The following ITGAE variants were observed in gnomAD, a reference collection of about 807,000 sequenced individuals.
The protein encoded by ITGAE is integrin subunit alpha E, also known as integrin alpha-E.
In ITGAE, 99 loss-of-function variants were observed where a neutral mutation model predicts 136.5. The ratio of observed to expected loss-of-function variants is 0.73; its 90% CI spans 0.62 to 0.86. The LOEUF is 0.86. ITGAE is among the 40% of genes least tolerant of loss of function. The probability of loss-of-function intolerance (pLI) is 0.00; values close to 1 mark genes in which losing one functional copy is unlikely to be tolerated. For synonymous variants in ITGAE, 613 were observed against 591.8 expected, an observed-to-expected ratio of 1.04 and a Z score of -0.52; for missense variants, 1,447 against 1,515.3, an observed-to-expected ratio of 0.95 and a Z score of 0.75.
In ITGAE at chr17:3,774,573, G is replaced by A. The variant is rs1247173171; in HGVS notation, c.155+2967C>T. On this transcript the variant is annotated intron_variant, in intron 2 of 30. Coordinates refer to ENST00000263087, the MANE Select transcript of ITGAE (RefSeq NM_002208.5). ...GAGGTCAGGAGTTCAAGACCATCCT[G>A]GCCAACGTGGCGAAACCCTGTTTCT... Among the ~76,000 whole-genome samples the A allele has an allele frequency of 5.3e-5, 8 of 152,256 alleles. No homozygotes were observed. In the East Asian group the frequency reaches 1.5e-3, roughly 29 times the overall value.
intron 14 of ITGAE, 144 bp downstream of exon 14, chr17:3,753,146 G>A (rs1009583705): frequency 1.1e-5 from 9 of 817,606 alleles, no homozygotes; most frequent in African/African-American, 5.2e-5. Context: ...CCGCTGCCCC[G>A]CCCAGCCGCC....
At chr17:3,736,187 T>C (rs1688699989) in intron 20 of ITGAE, among the ~76,000 whole-genome samples, 1 of 151,922 alleles carries the variant, frequency 6.6e-6, no homozygotes, top group South Asian at 2.1e-4. Flanking sequence ...CAGGCACTTG[T>C]AATCCCAGCT....
rs761465211 is a variant in ITGAE, at chr17:3,760,239, G to A, written c.647C>T (p.Pro216Leu). 2.5e-6 allele frequency: 4 copies of A among 1,613,758 alleles called. No homozygotes were observed. Among genetic ancestry groups the A allele is most frequent in the Non-Finnish European group, 3.4e-6 (4 of 1,179,856 alleles). ...GAAGTCTTTGGCTCTCTGAAAGTCT[G>A]GGGGATCAATGCTTCCTGAGCCATC... ...ILDGSGSIDP[P>L]DFQRAKDFIS... Residue 216 changes from proline to leucine, a missense_variant, in exon 7 of 31, where the codon CCA becomes CTA. By Grantham distance (98) the Pro-to-Leu change is moderately conservative (BLOSUM62 -3). Around this residue, in one of 3 missense-constraint regions of ITGAE, gnomAD observed 310 missense variants for 416.1 expected, o/e 0.74. Coordinates refer to ENST00000263087, the MANE Select transcript of ITGAE (RefSeq NM_002208.5).
At position 3,755,238 on chromosome 17, in the gene ITGAE, G is replaced by T; in HGVS notation, c.1263C>A (p.Val421=). 3.2e-6 allele frequency: 5 copies of T among 1,577,602 alleles called. No homozygotes were observed. Among genetic ancestry groups the T allele is most frequent in the Non-Finnish European group, 4.3e-6 (5 of 1,168,668 alleles). The change falls in exon 12 of 31, where the codon GTC becomes GTA. Residue 421 remains valine (V), a synonymous_variant. Coordinates refer to ENST00000263087, the MANE Select transcript of ITGAE (RefSeq NM_002208.5). ...LDERQVLLGA[V]GAFDWSGGAL... Reference sequence around the variant, plus strand: ...CCCCTCCGGACCAGTCAAAGGCCCCGACGGCGCCGAGCAGCACCTGCCGCT... The same window carrying T: ...CCCCTCCGGACCAGTCAAAGGCCCCTACGGCGCCGAGCAGCACCTGCCGCT...
chr17:3,761,590 C>T, intron 4 of ITGAE, 70 bp from the exon 5 acceptor site: 5 of 1,405,030 alleles, frequency 3.6e-6, no homozygotes, highest in Non-Finnish European at 3.9e-6. Context: ...GCCACATTCT[C>T]ACCCCCATTC....
chr17:3,753,990 CG>C (rs1275564194), intron 12 of ITGAE, 65 bp from the exon 13 acceptor site: 28 of 1,561,872 alleles, frequency 1.8e-5, no homozygotes, highest in Non-Finnish European at 2.4e-5. Context: ...CTCTTGGCCC[CG>C]GCACCTTCCC....
chr17:3,756,360 G>A (rs894854758), intron 10 of ITGAE, among the ~76,000 whole-genome samples: 4 of 147,604 alleles, frequency 2.7e-5, no homozygotes, highest in African/African-American at 7.5e-5. Context: ...AGCTTCCCAA[G>A]TAGCTGGGAA....
chr17:3,752,973 C>T lies in ITGAE; in HGVS notation c.1668+317G>A, dbSNP rs184962817. Among the ~76,000 whole-genome samples the T allele has an allele frequency of 8.0e-3, 1,218 of 152,274 alleles. 23 individuals are homozygous for T. Among genetic ancestry groups the T allele is most frequent in the African/African-American group, 0.028 (1,158 of 41,552 alleles). ...TGAGGCAGGAGAATTGCTTGAACCC[C>T]GGAGGCAGAGGTTGCGGTGAGCCAA... On this transcript the variant is annotated intron_variant, in intron 14 of 30. Coordinates refer to ENST00000263087, the MANE Select transcript of ITGAE (RefSeq NM_002208.5).
Position 3,723,560 on chromosome 17 carries a change from C to A in ITGAE, c.3141+128G>T, listed in dbSNP as rs933626917. ...GAGCAATTGAGACCCAGGGACGAAGCTAGGGAGGGCCTGGCAGCCCCCGGC... is the reference window on the plus strand; with the variant it reads ...GAGCAATTGAGACCCAGGGACGAAGATAGGGAGGGCCTGGCAGCCCCCGGC... On this transcript the variant is annotated intron_variant, in intron 27 of 30. Coordinates refer to ENST00000263087, the MANE Select transcript of ITGAE (RefSeq NM_002208.5). 1.3e-4 allele frequency: 146 copies of A among 1,105,938 alleles called. 1 individual carries two copies. In the East Asian group the frequency reaches 3.8e-3, roughly 28 times the overall value. The allele number at this position is 1,105,938 out of a possible 1,614,324, so 68.5% of individuals were successfully genotyped here.
At chr17:3,731,035 C>T (rs555973927) in intron 23 of ITGAE, 69 bp downstream of exon 23, 30 of 1,281,834 alleles carry the variant, frequency 2.3e-5, no homozygotes, top group Middle Eastern at 3.9e-4. Context: ...CCTCTCACAG[C>T]GTGCATGTGG....
In ITGAE at chr17:3,761,929, G is replaced by A. The variant is rs748436473; in HGVS notation, c.301C>T (p.His101Tyr). 2 of 1,613,960 alleles carry A rather than the reference G, an allele frequency of 1.2e-6. No homozygotes were observed. The highest frequency in any genetic ancestry group is 1.7e-5 in the Admixed American group (1 of 60,016). ...RHRGVTVVRSHHGVLICIQVL... is the reference protein window; with the variant it reads ...RHRGVTVVRSYHGVLICIQVL... The stretch of plus-strand genomic sequence containing the variant: ...CCTGCACTCACCAAAACACCGTGGT[G>A]GCTCCGGACAACGGTCACTCCCCGG... Residue 101 changes from histidine (H) to tyrosine (Y), a missense_variant, in exon 4 of 31, where the codon CAC becomes TAC. His to Tyr is a moderately conservative substitution (Grantham distance 83). Transcript: ENST00000263087.
intron 20 of ITGAE, among the ~76,000 whole-genome samples, chr17:3,737,968 A>G (rs1224532446): frequency 6.6e-6 from 1 of 152,140 alleles, no homozygotes; most frequent in Non-Finnish European, 1.5e-5. Context: ...TCCCTGCTGG[A>G]AACAGCTGTG....
At chr17:3,761,707 G>T (rs1268401665) in intron 4 of ITGAE, among the ~76,000 whole-genome samples, 187 bp from the exon 5 acceptor site, 3 of 152,224 alleles carry the variant, frequency 2.0e-5, no homozygotes, top group East Asian at 1.9e-4. Flanking sequence ...ACACCTGCAG[G>T]AGTGTGCTGG....
chr17:3,782,522 C>T (rs1309562693), intron 1 of ITGAE, among the ~76,000 whole-genome samples: 8 of 151,748 alleles, frequency 5.3e-5, no homozygotes, highest in Non-Finnish European at 1.0e-4. Context: ...TACACACCAC[C>T]ACCCCCAGCT....
chr17:3,801,130 G>A lies in ITGAE; in HGVS notation c.15C>T (p.His5=). 1 of 1,612,258 alleles carries A rather than the reference G, an allele frequency of 6.2e-7. No homozygotes were observed. Among genetic ancestry groups the A allele is most frequent in the South Asian group, 1.1e-5 (1 of 91,086 alleles). Residue 5 remains histidine, a synonymous_variant, in exon 1 of 31, where the codon CAC becomes CAT. Coordinates refer to ENST00000263087, the MANE Select transcript of ITGAE (RefSeq NM_002208.5). MWLF[H]TLLCIASLAL... Reference sequence around the variant, plus strand: ...ACTTACTGGCTATGCAGAGCAGAGTGTGGAAGAGCCACATCCTTGCTGGAG... The same window carrying A: ...ACTTACTGGCTATGCAGAGCAGAGTATGGAAGAGCCACATCCTTGCTGGAG...
intron 1 of ITGAE, among the ~76,000 whole-genome samples, chr17:3,793,524 G>A (rs1458886515): frequency 1.3e-5 from 2 of 152,180 alleles, no homozygotes; most frequent in African/African-American, 4.8e-5. Flanking sequence ...TCTCAGCTCT[G>A]GATTCGTGGG....
chr17:3,780,206 T>C (rs1346775019), intron 1 of ITGAE, among the ~76,000 whole-genome samples: 1 of 150,430 alleles, frequency 6.6e-6, no homozygotes, highest in African/African-American at 2.4e-5. Context: ...AGTCACACTC[T>C]GTCACCCAGG....
At chr17:3,728,228 G>C in intron 24 of ITGAE, 60 bp from the exon 25 acceptor site, 1 of 1,316,932 alleles carries the variant, frequency 7.6e-7, no homozygotes, top group Non-Finnish European at 1.1e-6. Context: ...TTTGGAGACA[G>C]GGTCTCACTC....
rs536471442 is a variant in ITGAE, at chr17:3,791,032, C to G, written c.34+10079G>C. ...TAGCCAGGCGTGGTGGTGGGCGCCTCTAGTCCCAGCTACTTGGGAGGCTGA... is the reference window on the plus strand; with the variant it reads ...TAGCCAGGCGTGGTGGTGGGCGCCTGTAGTCCCAGCTACTTGGGAGGCTGA... On this transcript the variant is annotated intron_variant, in intron 1 of 30. Coordinates refer to ENST00000263087, the MANE Select transcript of ITGAE (RefSeq NM_002208.5). 9.7e-4 allele frequency among the ~76,000 whole-genome samples: 146 copies of G among 150,980 alleles called. 1 individual carries two copies. The Middle Eastern group carries it at 0.01, about 11-fold the overall frequency.
Sources: allele counts gnomAD v4.1 joint callset (sites outside exome capture counted in the v4.1 genomes callset), GRCh38; gene constraint gnomAD v4.1.1; regional missense constraint gnomAD v4.1.1; transcripts MANE v1.5; gene names NCBI Gene and HGNC (gene_info 2026-07-23, HGNC 2026-07-21).